NRG3: variants seen among roughly 807,000 people sequenced by gnomAD.
NRG3 encodes pro-neuregulin-3, membrane-bound isoform.
NRG3 carries 31 observed loss-of-function variants against 66.9 expected under a neutral mutation model. The ratio of observed to expected loss-of-function variants is 0.46; its 90% CI spans 0.35 to 0.63. The LOEUF (loss-of-function observed/expected upper bound fraction) is 0.63, where lower values mean the gene tolerates loss of function less well. NRG3 is among the 20% of genes least tolerant of loss of function. The pLI, the probability that NRG3 is intolerant of heterozygous loss-of-function variation, is 0.00. For missense variants in NRG3, 910 were observed against 878.9 expected (o/e 1.04, Z -0.45); for synonymous variants, 393 against 359.4 (o/e 1.09, Z -1.06).
At chr10:82,848,354 GC>G (rs201013881) in intron 3 of NRG3, among the ~76,000 whole-genome samples, 2 of 152,184 alleles carry the variant, frequency 1.3e-5, no homozygotes, top group East Asian at 3.9e-4. Context: ...TGATTTGACT[GC>G]CCTGCTGGAT....
chr10:81,901,741 A>G (rs915847314), intron 1 of NRG3, among the ~76,000 whole-genome samples: 1 of 152,232 alleles, frequency 6.6e-6, no homozygotes, highest in Non-Finnish European at 1.5e-5. Flanking sequence ...TAAAAATTCA[A>G]TTTATTATAA....
At chr10:82,474,423 T>A (rs1841570219) in intron 2 of NRG3, among the ~76,000 whole-genome samples, 1 of 152,100 alleles carries the variant, frequency 6.6e-6, no homozygotes, top group East Asian at 1.9e-4. Flanking sequence ...GATAATATAT[T>A]TTAAAAAGAA....
intron 1 of NRG3, among the ~76,000 whole-genome samples, chr10:82,059,433 A>C (rs572228398): frequency 6.6e-6 from 1 of 152,284 alleles, no homozygotes; most frequent in East Asian, 1.9e-4. Flanking sequence ...AAAAAGAAGA[A>C]TCAAGGAGGT....
intron 1 of NRG3, among the ~76,000 whole-genome samples, chr10:82,063,557 A>G (rs1490572341): frequency 6.6e-6 from 1 of 150,732 alleles, no homozygotes; most frequent in Admixed American, 6.6e-5. Context: ...AGGATAGTCA[A>G]TCGGTGCCCT....
chr10:82,084,726 C>T (rs959842498), intron 1 of NRG3, among the ~76,000 whole-genome samples: 1 of 152,104 alleles, frequency 6.6e-6, no homozygotes, highest in Non-Finnish European at 1.5e-5. Flanking sequence ...AGTGTGAGCC[C>T]ACACGTTCAA....
chr10:82,327,677 A>G (rs2081945407), intron 1 of NRG3, among the ~76,000 whole-genome samples: 1 of 152,122 alleles, frequency 6.6e-6, no homozygotes, highest in South Asian at 2.1e-4. Flanking sequence ...AATTTACTAG[A>G]TATGTTTCTT....
rs572805168 is a variant in NRG3 at position 82,878,187 on chromosome 10, C to T, written c.1054+12750C>T. Among the ~76,000 whole-genome samples, 32 of 152,272 alleles carry T rather than the reference C, an allele frequency of 2.1e-4. No individual in the cohort carries two copies. The South Asian group carries it at 5.8e-3, about 28-fold the overall frequency. ...AAGGGAAATAAGAGATGGAAGAGCA[C>T]ATTTGGGAAATGGCAAGGAGTCCCA... On this transcript the variant is annotated intron_variant, in intron 4 of 8. Transcript: ENST00000372141.
chr10:82,975,199 T>C (rs1311547995), intron 7 of NRG3, among the ~76,000 whole-genome samples: 2 of 152,202 alleles, frequency 1.3e-5, no homozygotes, highest in African/African-American at 2.4e-5. Flanking sequence ...GGGAAATAAG[T>C]CCAATATTAC....
At chr10:82,112,409 A>G (rs981776) in intron 1 of NRG3, among the ~76,000 whole-genome samples, 90,616 of 151,844 alleles carry the variant, frequency 0.6, 27,060 homozygotes, top group South Asian at 0.7. Flanking sequence ...ATGAGGGAAC[A>G]GGCCTCATAG....
intron 2 of NRG3, among the ~76,000 whole-genome samples, chr10:82,469,539 G>T (rs1485466441): frequency 6.6e-6 from 1 of 152,048 alleles, no homozygotes; most frequent in Non-Finnish European, 1.5e-5. Flanking sequence ...TGAGAAAACT[G>T]ACAAAGACGT....
intron 1 of NRG3, among the ~76,000 whole-genome samples, chr10:82,078,596 C>T (rs12765033): frequency 0.047 from 7,221 of 152,220 alleles, 239 homozygotes; most frequent in Non-Finnish European, 0.077. Flanking sequence ...GTGATCCGAC[C>T]GCCTTGGCCT....
At chr10:82,507,037 G>A (rs535539868) in intron 2 of NRG3, among the ~76,000 whole-genome samples, 2 of 152,300 alleles carry the variant, frequency 1.3e-5, no homozygotes, top group Admixed American at 6.5e-5. Flanking sequence ...AAATGTAATC[G>A]TGAGGTGAAA....
intron 1 of NRG3, among the ~76,000 whole-genome samples, chr10:82,151,679 A>G (rs987351877): frequency 2.7e-5 from 4 of 150,516 alleles, no homozygotes; most frequent in Non-Finnish European, 5.9e-5. Flanking sequence ...ATGAATGAAG[A>G]AGGCAAACTG....
chr10:82,806,913 T>TGTTTTTTGATTTTG (rs1370948623), intron 3 of NRG3, among the ~76,000 whole-genome samples: 14 of 152,180 alleles, frequency 9.2e-5, no homozygotes, highest in Non-Finnish European at 2.9e-5. Context: ...CTGCAAATCA[T>TGTTTTTTGATTTTG]TTTATTTTTG....
At chr10:82,049,551 C>G (rs1289608932) in intron 1 of NRG3, among the ~76,000 whole-genome samples, 1 of 150,990 alleles carries the variant, frequency 6.6e-6, no homozygotes, top group East Asian at 1.9e-4. Flanking sequence ...TCAAAGATAA[C>G]TGTTCCCCAA....
At chr10:82,618,333 A>G (rs1162205351) in intron 2 of NRG3, among the ~76,000 whole-genome samples, 1 of 151,458 alleles carries the variant, frequency 6.6e-6, no homozygotes. Context: ...GACGGGGGGG[A>G]ATTTATGCGG....
intron 1 of NRG3, among the ~76,000 whole-genome samples, chr10:82,206,937 A>G (rs2075148420): frequency 6.6e-6 from 1 of 152,190 alleles, no homozygotes; most frequent in Non-Finnish European, 1.5e-5. Context: ...GTACAGACAA[A>G]TTAATTGAGG....
At chr10:82,127,845 C>T (rs1193828014) in intron 1 of NRG3, among the ~76,000 whole-genome samples, 4 of 151,928 alleles carry the variant, frequency 2.6e-5, no homozygotes, top group African/African-American at 9.7e-5. Flanking sequence ...CTTCCTCTCT[C>T]CCACCCTCTT....
At chr10:82,399,882 G>A (rs771357954) in intron 2 of NRG3, among the ~76,000 whole-genome samples, 8 of 152,214 alleles carry the variant, frequency 5.3e-5, no homozygotes, top group East Asian at 3.9e-4. Context: ...ATTTAATTTA[G>A]CATTTGGAAA....
Sources: gnomAD v4.1 joint callset for allele counts (sites outside exome capture counted in the v4.1 genomes callset) on GRCh38, gnomAD v4.1.1 for gene constraint, MANE v1.5 for transcripts, NCBI Gene and HGNC (gene_info 2026-07-23, HGNC 2026-07-21) for gene names.